CBFB: variants seen among roughly 807,000 people sequenced by gnomAD.
CBFB encodes the protein CBF-beta.
CBFB carries 9 observed loss-of-function variants against 30.4 expected under a neutral mutation model. The observed-to-expected ratio is 0.30, with a 90% CI of 0.18 to 0.52. CBFB has a LOEUF of 0.52. Ranked by LOEUF, CBFB falls within the 20% of genes least tolerant of loss-of-function variation. The pLI is 0.97. For synonymous variants in CBFB, 94 were observed against 84.0 expected (o/e 1.12, Z -0.65); for missense variants, 170 against 244.0 (o/e 0.70, Z 2.02).
intron 4 of CBFB, among the ~76,000 whole-genome samples, chr16:67,074,119 A>C (rs1387452690): frequency 6.6e-6 from 1 of 152,286 alleles, no homozygotes; most frequent in East Asian, 1.9e-4. Context: ...CACTATTAAG[A>C]AAACTAACAC....
chr16:67,055,771 A>G (rs1487414968), intron 3 of CBFB, among the ~76,000 whole-genome samples: 1 of 152,196 alleles, frequency 6.6e-6, no homozygotes, highest in East Asian at 1.9e-4. Context: ...CATGCAACCC[A>G]GTTATGATTC....
intron 5 of CBFB, among the ~76,000 whole-genome samples, chr16:67,091,182 A>G (rs1257908632): frequency 2.0e-5 from 3 of 152,210 alleles, no homozygotes; most frequent in Non-Finnish European, 4.4e-5. Context: ...TTCCCCCACT[A>G]CCAGAGGAAG....
chr16:67,092,698 C>CTTTTTTTTTTTTTTT (rs777213321), intron 5 of CBFB, among the ~76,000 whole-genome samples: 1 of 33,528 alleles, frequency 3.0e-5, no homozygotes, highest in African/African-American at 1.1e-4. Flanking sequence ...GTGGTGCAAT[C>CTTTTTTTTTTTTTTT]TTTTTTTTTT....
intron 5 of CBFB, among the ~76,000 whole-genome samples, chr16:67,096,047 G>T (rs1403136275): frequency 6.6e-6 from 1 of 150,738 alleles, no homozygotes; most frequent in African/African-American, 2.4e-5. Flanking sequence ...GGTGGCTCAC[G>T]CCTGTAATCC....
chr16:67,030,984 G>C (rs534925341), intron 2 of CBFB, among the ~76,000 whole-genome samples: 26 of 152,322 alleles, frequency 1.7e-4, no homozygotes, highest in Admixed American at 9.8e-4. Context: ...TTAGAGGCTT[G>C]AAGCTAGGTG....
intron 5 of CBFB, among the ~76,000 whole-genome samples, chr16:67,084,764 C>CGT (rs140621189): frequency 1.5e-4 from 22 of 150,826 alleles, no homozygotes; most frequent in South Asian, 2.1e-4. Flanking sequence ...TGTGTGCATA[C>CGT]GTGTGTGTGT....
chr16:67,040,233 A>G (rs1223422739), intron 3 of CBFB, among the ~76,000 whole-genome samples: 1 of 152,146 alleles, frequency 6.6e-6, no homozygotes, highest in African/African-American at 2.4e-5. Context: ...AATTGAAGGA[A>G]CTTCTCCAAA....
intron 4 of CBFB, among the ~76,000 whole-genome samples, chr16:67,069,960 GCCTA>G (rs1469066008): frequency 6.6e-6 from 1 of 152,180 alleles, no homozygotes; most frequent in East Asian, 1.9e-4. Flanking sequence ...CTGCACTCAA[GCCTA>G]AGTGACAGAG....
chr16:67,049,568 C>T (rs548878158), intron 3 of CBFB, among the ~76,000 whole-genome samples: 4 of 152,284 alleles, frequency 2.6e-5, no homozygotes, highest in African/African-American at 9.6e-5. Flanking sequence ...AACCATGGCT[C>T]ACTGCAGCTT....
At chr16:67,031,357 T>TA (rs1346347679) in intron 2 of CBFB, among the ~76,000 whole-genome samples, 2 of 152,216 alleles carry the variant, frequency 1.3e-5, no homozygotes, top group Non-Finnish European at 2.9e-5. Flanking sequence ...CTGAGTGGTA[T>TA]AATAAAAGAA....
intron 3 of CBFB, among the ~76,000 whole-genome samples, chr16:67,060,646 C>T (rs1960885232): frequency 1.3e-5 from 2 of 152,122 alleles, no homozygotes; most frequent in Admixed American, 1.3e-4. Context: ...ACCTCCGCCT[C>T]CTGGGTTCAA....
chr16:67,098,821 A>G lies in CBFB; in HGVS notation c.*43A>G. ...GTGTGCTGCCCATCTTTACATACAC[A>G]TTGCTTCTAGTTGGCAGAAATAATT... On this transcript the variant is annotated 3_prime_UTR_variant, in exon 6 of 6. Coordinates refer to ENST00000412916, the MANE Select transcript of CBFB (RefSeq NM_022845.3). The G allele has an allele frequency of 9.1e-7, 1 of 1,099,336 alleles. No individual in the cohort carries two copies. The highest frequency in any genetic ancestry group is 2.4e-5 in the East Asian group (1 of 42,360). 68.1% of individuals were successfully genotyped at this position (1,099,336 alleles called of 1,614,324 possible). A position where few individuals can be genotyped will look rare whatever the true frequency, so the allele number is the denominator to read the frequency against.
chr16:67,073,884 A>G (rs1250302461), intron 4 of CBFB, among the ~76,000 whole-genome samples: 5 of 151,782 alleles, frequency 3.3e-5, no homozygotes, highest in African/African-American at 4.8e-5. Context: ...AAACTACAAA[A>G]ATTAGCCGGG....
chr16:67,066,828 G>T, intron 4 of CBFB, 30 bp downstream of exon 4: 1 of 1,261,236 alleles, frequency 7.9e-7, no homozygotes, highest in South Asian at 1.2e-5. Flanking sequence ...TATTGAGCAT[G>T]GTCCCTTTAG....
At chr16:67,077,073 A>G (rs1961421778) in intron 4 of CBFB, among the ~76,000 whole-genome samples, 1 of 152,180 alleles carries the variant, frequency 6.6e-6, no homozygotes, top group Non-Finnish European at 1.5e-5. Flanking sequence ...ACTAGTTCCT[A>G]GTAGATTTCT....
At position 67,050,260 on chromosome 16, in the gene CBFB, TATA is replaced by T. The variant is rs752908238; in HGVS notation, c.282+13509_282+13511del. 1.2e-4 allele frequency among the ~76,000 whole-genome samples: 18 copies of T among 147,726 alleles called. No individual in the cohort carries two copies. In the South Asian group the frequency reaches 3.6e-3, roughly 29 times the overall value. On this transcript the variant is annotated intron_variant, in intron 3 of 5. Coordinates refer to ENST00000412916, the MANE Select transcript of CBFB (RefSeq NM_022845.3). Reference sequence around the variant, plus strand: ...TGTAATATATATCACATAAATTATATATAATATATAAATATATAATATATAAAT... The same window carrying T: ...TGTAATATATATCACATAAATTATATATATATAAATATATAATATATAAAT...
At chr16:67,030,071 A>C in intron 2 of CBFB, 1 of 421,790 alleles carries the variant, frequency 2.4e-6, no homozygotes, top group Non-Finnish European at 4.2e-6. Context: ...CCCGAGCCAG[A>C]CTAAACAAGC....
chr16:67,069,029 A>T (rs1162626225), intron 4 of CBFB, among the ~76,000 whole-genome samples: 2 of 152,218 alleles, frequency 1.3e-5, no homozygotes, highest in African/African-American at 2.4e-5. Flanking sequence ...AGCCTGGCTA[A>T]CATGGTGAAA....
intron 4 of CBFB, 37 bp downstream of exon 4, chr16:67,066,835 T>G (rs1256943131): frequency 8.3e-7 from 1 of 1,200,886 alleles, no homozygotes; most frequent in African/African-American, 1.5e-5. Flanking sequence ...CATGGTCCCT[T>G]TAGTCCCTAA....
Sources: gnomAD v4.1 joint callset for allele counts (sites outside exome capture counted in the v4.1 genomes callset) on GRCh38, gnomAD v4.1.1 for gene constraint, MANE v1.5 for transcripts, NCBI Gene and HGNC (gene_info 2026-07-23, HGNC 2026-07-21) for gene names.